ZNF135: variants seen among roughly 807,000 people sequenced by gnomAD.
ZNF135 encodes zinc finger protein 135 (clone pHZ-17).
A neutral mutation model predicts 12.3 loss-of-function variants in ZNF135; 11 were observed. The ratio of observed to expected loss-of-function variants is 0.89; its 90% confidence interval spans 0.56 to 1.48. ZNF135 has a LOEUF of 1.48. Ranked by LOEUF, ZNF135 falls within the 40% of genes most tolerant of loss-of-function variation. ZNF135 has a pLI of 0.00. For synonymous variants in ZNF135, 316 were observed against 312.0 expected (o/e 1.01, Z -0.14); for missense variants, 722 against 815.7 (o/e 0.89, Z 1.40).
chr19:58,060,878 G>A lies in ZNF135; in HGVS notation c.34-702G>A, dbSNP rs2073966091. 6.6e-6 allele frequency among the ~76,000 whole-genome samples: 1 copy of A among 152,090 alleles called. No homozygotes were observed. Among genetic ancestry groups the A allele is most frequent in the African/African-American group, 2.4e-5 (1 of 41,414 alleles). ...GCGGTGGCTCGCACCTGTAATCCCAGCACTTTGGGAGGCCGAGGTGGGCGG... is the reference window on the plus strand; with the variant it reads ...GCGGTGGCTCGCACCTGTAATCCCAACACTTTGGGAGGCCGAGGTGGGCGG... On this transcript the variant is annotated intron_variant, in intron 2 of 4. Transcript: ENST00000313434. The surrounding 1 kb of genome is among the most constrained non-coding windows in gnomAD (Gnocchi z 4.9).
In ZNF135 at chr19:58,060,529, T is replaced by A. The variant is rs1216671298; in HGVS notation, c.33+494T>A. 6.1e-6 allele frequency: 5 copies of A among 824,902 alleles called. No homozygotes were observed. The highest frequency in any genetic ancestry group is 1.1e-4 in the East Asian group (1 of 8,750). 51.1% of individuals were successfully genotyped at this position (824,902 alleles called of 1,614,324 possible). A position where few individuals can be genotyped will look rare whatever the true frequency, so the allele number is the denominator to read the frequency against. On this transcript the variant is annotated intron_variant, in intron 2 of 4. Coordinates refer to ENST00000313434, the MANE Select transcript of ZNF135 (RefSeq NM_001289401.2). The surrounding 1 kb of genome is among the most constrained non-coding windows in gnomAD (Gnocchi z 4.9). The stretch of plus-strand genomic sequence containing the variant: ...CAGTCTGAAGTTGAAGGCCTTAGCA[T>A]GCTCTGCGCTCCAAGATGGCGCATC...
chr19:58,062,090 T>C (rs2073991466), intron 3 of ZNF135, among the ~76,000 whole-genome samples: 1 of 152,108 alleles, frequency 6.6e-6, no homozygotes, highest in African/African-American at 2.4e-5. Context: ...TTTTAAACAA[T>C]AGATATTTGT....
Position 58,068,128 on chromosome 19 carries a change from A to G in ZNF135, c.1644A>G (p.Lys548=). ...ATCAGAGGATCCACACAGGAGAGAA[A>G]CCCTATGAATGTAACCAGTGTGGCA... ...IQHQRIHTGE[K]PYECNQCGRA... Residue 548 remains lysine (K), a synonymous_variant, in exon 5 of 5, where the codon AAA becomes AAG. Coordinates refer to ENST00000313434, the MANE Select transcript of ZNF135 (RefSeq NM_001289401.2). 1 of 1,612,274 alleles carries G rather than the reference A, an allele frequency of 6.2e-7. No individual in the cohort carries two copies. The highest frequency in any genetic ancestry group is 8.5e-7 in the Non-Finnish European group (1 of 1,179,510).
chr19:58,059,679 G>A lies in ZNF135; in HGVS notation c.-34-290G>A. 1.9e-6 allele frequency: 1 copy of A among 528,662 alleles called. No homozygotes were observed. Among genetic ancestry groups the A allele is most frequent in the Non-Finnish European group, 3.3e-6 (1 of 301,798 alleles). The allele number at this position is 528,662 out of a possible 1,614,324, so 32.7% of individuals were successfully genotyped here. A position where few individuals can be genotyped will look rare whatever the true frequency, so the allele number is the denominator to read the frequency against. On this transcript the variant is annotated intron_variant, in intron 1 of 4. Coordinates refer to ENST00000313434, the MANE Select transcript of ZNF135 (RefSeq NM_001289401.2). The surrounding 1 kb of genome is among the most constrained non-coding windows in gnomAD (Gnocchi z 6.5). ...ACTGAGGCATAGTGCCCAGGGCCAG[G>A]GGACCGCAACCACCCGGCCCTTGTC...
In ZNF135 at chr19:58,063,269, GGAC is replaced by G. The variant is rs1568613008; in HGVS notation, c.161-176_161-174del. ...ACCCCAGAACCAGTGGTAGGGTCAG[GGAC>G]TGAGAGTAGGGGAATGAGTCCCTGA... On this transcript the variant is annotated intron_variant, in intron 3 of 4. Coordinates refer to ENST00000313434, the MANE Select transcript of ZNF135 (RefSeq NM_001289401.2). The surrounding 1 kb of genome is among the most constrained non-coding windows in gnomAD (Gnocchi z 4.4). 3.0e-5 allele frequency among the ~76,000 whole-genome samples: 1 copy of G among 33,378 alleles called. No homozygotes were observed. The highest frequency in any genetic ancestry group is 8.3e-5 in the Non-Finnish European group (1 of 12,068). The allele number at this position is 33,378 out of a possible 152,430, so 21.9% of individuals were successfully genotyped here.
In ZNF135 at chr19:58,059,662, A is replaced by G; in HGVS notation, c.-34-307A>G. 1.9e-6 allele frequency: 1 copy of G among 515,444 alleles called. No homozygotes were observed. The highest frequency in any genetic ancestry group is 3.5e-5 in the East Asian group (1 of 28,926). 31.9% of individuals were successfully genotyped at this position (515,444 alleles called of 1,614,324 possible). ...GTTGATGGAAGAGAGAAACTGAGGC[A>G]TAGTGCCCAGGGCCAGGGGACCGCA... On this transcript the variant is annotated intron_variant, in intron 1 of 4. Transcript: ENST00000313434. The surrounding 1 kb of genome is among the most constrained non-coding windows in gnomAD (Gnocchi z 6.5).
intron 3 of ZNF135, 143 bp downstream of exon 3, chr19:58,061,849 A>G: frequency 2.8e-6 from 3 of 1,086,884 alleles, no homozygotes; most frequent in Non-Finnish European, 3.8e-6. Context: ...GACTGTTTTA[A>G]TGTAGGAAAT....
intron 2 of ZNF135, 57 bp from the exon 3 acceptor site, chr19:58,061,523 C>G: frequency 6.4e-7 from 1 of 1,571,704 alleles, no homozygotes; most frequent in Non-Finnish European, 8.6e-7. Context: ...ACCAGCTACC[C>G]CACCAGCAGC....
Position 58,061,639 on chromosome 19 carries a change from G to A in ZNF135, c.93G>A (p.Leu31=), listed in dbSNP as rs536252535. ...VGFSQEEWGQ[L]KPAQRTLYRD... ...TCAGCCAGGAGGAGTGGGGGCAGCT[G>A]AAGCCTGCCCAGAGGACCCTGTACC... The change falls in exon 3 of 5, where the codon CTG becomes CTA. Residue 31 remains leucine (L), a synonymous_variant. Transcript: ENST00000313434. 2.5e-6 allele frequency: 4 copies of A among 1,613,704 alleles called. No homozygotes were observed. The South Asian group carries it at 4.4e-5, about 18-fold the overall frequency.
rs552948769 is a variant in ZNF135, at chr19:58,068,090, C to G, written c.1606C>G (p.Pro536Ala). The change falls in exon 5 of 5, where the codon CCC (proline) becomes GCC (alanine). Residue 536 changes from proline (P) to alanine (A), a missense_variant. By Grantham distance (27) the Pro-to-Ala change is conservative (BLOSUM62 -1). Coordinates refer to ENST00000313434, the MANE Select transcript of ZNF135 (RefSeq NM_001289401.2). ...TGGCAGAGCCTTCAGCCAGCTTGCT[C>G]CCCTCATTCAGCATCAGAGGATCCA... ...QCGRAFSQLAPLIQHQRIHTG... is the reference protein window; with the variant it reads ...QCGRAFSQLAALIQHQRIHTG... 2.5e-6 allele frequency: 4 copies of G among 1,613,674 alleles called. No homozygotes were observed. The South Asian group carries it at 3.3e-5, about 13-fold the overall frequency.
rs1043829426 is a variant in ZNF135 at position 58,065,788 on chromosome 19, A to G, written c.257-953A>G. Among the ~76,000 whole-genome samples, 3 of 151,822 alleles carry G rather than the reference A, an allele frequency of 2.0e-5. No individual in the cohort carries two copies. The highest frequency in any genetic ancestry group is 2.0e-4 in the Admixed American group (3 of 15,250). On this transcript the variant is annotated intron_variant, in intron 4 of 4. Transcript: ENST00000313434. This position sits in a 1 kb window ranked among gnomAD's most constrained non-coding sequence, Gnocchi z 4.0. Reference sequence around the variant, plus strand: ...GGGTTAGGATGTGGGCATCTTGGGAAGCCACTATTCTGCCATTCACTCTGG... The same window carrying G: ...GGGTTAGGATGTGGGCATCTTGGGAGGCCACTATTCTGCCATTCACTCTGG...
chr19:58,065,004 C>G lies in ZNF135; in HGVS notation c.256+1463C>G, dbSNP rs1206489278. ...CACAGATTTTCGATTGTACTGGGGT[C>G]AGTGCCCCTAGCCCCCTCATTGTTC... is the stretch of plus-strand genomic sequence containing the variant. On this transcript the variant is annotated intron_variant, in intron 4 of 4. Transcript: ENST00000313434. The surrounding 1 kb of genome is among the most constrained non-coding windows in gnomAD (Gnocchi z 4.0). Among the ~76,000 whole-genome samples, 5 of 152,192 alleles carry G rather than the reference C, an allele frequency of 3.3e-5. No individual in the cohort carries two copies. The highest frequency in any genetic ancestry group is 5.9e-5 in the Non-Finnish European group (4 of 68,030).
intron 3 of ZNF135, 94 bp downstream of exon 3, chr19:58,061,800 C>T: frequency 6.9e-7 from 1 of 1,451,936 alleles, no homozygotes; most frequent in South Asian, 1.5e-5. Context: ...GCTTTAAAAG[C>T]AAATGCCTGG....
At position 58,059,932 on chromosome 19, in the gene ZNF135, C is replaced by G; in HGVS notation, c.-34-37C>G. On this transcript the variant is annotated intron_variant, in intron 1 of 4. Transcript: ENST00000313434. This position sits in a 1 kb window ranked among gnomAD's most constrained non-coding sequence, Gnocchi z 6.5. ...CGGCTTGGGGACCTGAGCACCGCCT[C>G]TGCCTGCCCCAGCTGCTCACCTCCC... 3.1e-6 allele frequency: 5 copies of G among 1,608,538 alleles called. No homozygotes were observed. The highest frequency in any genetic ancestry group is 1.7e-6 in the Non-Finnish European group (2 of 1,178,082).
At chr19:58,064,305 G>C (rs1281933744) in intron 4 of ZNF135, among the ~76,000 whole-genome samples, 2 of 152,050 alleles carry the variant, frequency 1.3e-5, no homozygotes, top group Non-Finnish European at 2.9e-5. Context: ...TGCTCCTCCT[G>C]CAACCAGTTA....
rs1362734327 is a variant in ZNF135, at chr19:58,061,684, C to CT, written c.140dup (p.Arg48GlnfsTer31). ...TGTACCGTGATGTAATGCTGGACAC[C>CT]TTCAGGCTTCTGGTCTCTGTGGGTA... On this transcript the variant is annotated frameshift_variant, in exon 3 of 5. Transcript: ENST00000313434. LOFTEE classifies it high-confidence loss of function. 8.1e-6 allele frequency: 13 copies of CT among 1,613,164 alleles called. No homozygotes were observed. Among genetic ancestry groups the CT allele is most frequent in the Non-Finnish European group, 1.0e-5 (12 of 1,179,638 alleles).
At position 58,065,452 on chromosome 19, in the gene ZNF135, G is replaced by A. The variant is rs7247966; in HGVS notation, c.257-1289G>A. Reference sequence around the variant, plus strand: ...CTCAAGGAGTCCTCCCACCTCAGCTGCCCAAAGTGTTGAGATTACAGGCAT... The same window carrying A: ...CTCAAGGAGTCCTCCCACCTCAGCTACCCAAAGTGTTGAGATTACAGGCAT... On this transcript the variant is annotated intron_variant, in intron 4 of 4. Coordinates refer to ENST00000313434, the MANE Select transcript of ZNF135 (RefSeq NM_001289401.2). This position sits in a 1 kb window ranked among gnomAD's most constrained non-coding sequence, Gnocchi z 4.0. Among the ~76,000 whole-genome samples the A allele has an allele frequency of 6.6e-6, 1 of 152,122 alleles. No homozygotes were observed. The highest frequency in any genetic ancestry group is 1.5e-5 in the Non-Finnish European group (1 of 68,030).
At position 58,060,892 on chromosome 19, in the gene ZNF135, C is replaced by T. The variant is rs1396940384; in HGVS notation, c.34-688C>T. 6.6e-6 allele frequency among the ~76,000 whole-genome samples: 1 copy of T among 151,998 alleles called. No homozygotes were observed. The highest frequency in any genetic ancestry group is 1.5e-5 in the Non-Finnish European group (1 of 67,996). On this transcript the variant is annotated intron_variant, in intron 2 of 4. Coordinates refer to ENST00000313434, the MANE Select transcript of ZNF135 (RefSeq NM_001289401.2). This position sits in a 1 kb window ranked among gnomAD's most constrained non-coding sequence, Gnocchi z 4.9. ...CTGTAATCCCAGCACTTTGGGAGGC[C>T]GAGGTGGGCGGATCACGAGGTCAGG...
At position 58,059,454 on chromosome 19, in the gene ZNF135, G is replaced by C; in HGVS notation, c.-35+144G>C. 1 of 920,564 alleles carries C rather than the reference G, an allele frequency of 1.1e-6. No homozygotes were observed. The highest frequency in any genetic ancestry group is 3.1e-5 in the East Asian group (1 of 32,056). 57.0% of individuals were successfully genotyped at this position (920,564 alleles called of 1,614,324 possible). ...CTGTGTGGAGTCCGTTTTGCTGCCC[G>C]GGGCCTGGGGAAGGCCGTTTCGGGG... On this transcript the variant is annotated intron_variant, in intron 1 of 4. Transcript: ENST00000313434. The surrounding 1 kb of genome is among the most constrained non-coding windows in gnomAD (Gnocchi z 6.5).
Sources: allele counts gnomAD v4.1 joint callset (sites outside exome capture counted in the v4.1 genomes callset), GRCh38; gene constraint gnomAD v4.1.1; non-coding constraint Gnocchi (gnomAD v3.1); transcripts MANE v1.5; gene names NCBI Gene and HGNC (gene_info 2026-07-23, HGNC 2026-07-21).